Variants in SMARCA4 observed in about 807,000 individuals in gnomAD.
SMARCA4 encodes the protein SWI/SNF related BAF chromatin remodeling complex subunit ATPase 4.
In SMARCA4, 31 loss-of-function variants were observed where a neutral mutation model predicts 193.9. The observed-to-expected ratio is 0.16, with a 90% CI of 0.12 to 0.22. The LOEUF (loss-of-function observed/expected upper bound fraction) is 0.22, where lower values mean the gene tolerates loss of function less well. Ranked by LOEUF, SMARCA4 falls within the 10% of genes least tolerant of loss-of-function variation. The probability of loss-of-function intolerance (pLI) is 1.00; values close to 1 mark genes in which losing one functional copy is unlikely to be tolerated. For synonymous variants in SMARCA4, 942 were observed against 933.1 expected (o/e 1.01, Z -0.17); for missense variants, 1,148 against 2,296.0 (o/e 0.50, Z 10.22).
At chr19:10,983,918 G>A (rs941827644) in intron 1 of SMARCA4, among the ~76,000 whole-genome samples, 2 of 152,062 alleles carry the variant, frequency 1.3e-5, no homozygotes, top group South Asian at 4.2e-4. Context: ...CCCCTTCCTG[G>A]GTAGACTGAC....
At chr19:11,007,082 A>G (rs1383897641) in intron 13 of SMARCA4, among the ~76,000 whole-genome samples, 1 of 152,004 alleles carries the variant, frequency 6.6e-6, no homozygotes, top group Non-Finnish European at 1.5e-5. Flanking sequence ...GCAAGACCCC[A>G]TCTCAACAAT....
Position 11,023,502 on chromosome 19 carries a change from T to G in SMARCA4, c.2860-16T>G. 6.5e-7 allele frequency: 1 copy of G among 1,542,510 alleles called. No homozygotes were observed. The highest frequency in any genetic ancestry group is 9.0e-7 in the Non-Finnish European group (1 of 1,116,080). ...TTGGAGGTAACGCTTGCTTCTCCTG[T>G]CTTGGGGGCTTCCAGGTGGACCTGA... On this transcript the variant is annotated splice_polypyrimidine_tract_variant and intron_variant, in intron 19 of 34. Transcript: ENST00000344626.
intron 14 of SMARCA4, among the ~76,000 whole-genome samples, chr19:11,010,165 C>T (rs114823962): frequency 1.0e-3 from 159 of 152,270 alleles, no homozygotes; most frequent in African/African-American, 3.8e-3. Flanking sequence ...GCAATCAGGA[C>T]CCAGAGCTCC....
intron 29 of SMARCA4, chr19:11,039,673 T>G (rs895848164): frequency 1.7e-5 from 8 of 470,812 alleles, no homozygotes; most frequent in Non-Finnish European, 3.0e-5. Flanking sequence ...TTATATATGA[T>G]TTATAATATA....
At chr19:10,974,386 T>C (rs1280001577) in intron 1 of SMARCA4, among the ~76,000 whole-genome samples, 1 of 151,894 alleles carries the variant, frequency 6.6e-6, no homozygotes, top group Non-Finnish European at 1.5e-5. Flanking sequence ...TCTTTCTCTT[T>C]TATTTCCACA....
rs1555795360 is a variant in SMARCA4 at position 11,058,822 on chromosome 19, A to G, written c.4568A>G (p.Asn1523Ser). Residue 1523 changes from asparagine to serine, a missense_variant, in exon 32 of 35, where the codon AAC (asparagine) becomes AGC (serine). By Grantham distance (46) the Asn-to-Ser change is conservative (BLOSUM62 1). Around this residue, in one of 17 missense-constraint regions of SMARCA4, gnomAD observed 141 missense variants for 193.0 expected, o/e 0.73. Transcript: ENST00000344626. The surrounding 1 kb of genome is among the most constrained non-coding windows in gnomAD (Gnocchi z 5.8). ...RIRNHKYRSL[N>S]DLEKDVMLLC... ...CGCAACCACAAGTACCGCAGCCTCA[A>G]CGACCTAGAGAAGGACGTCATGCTC... 6.2e-7 allele frequency: 1 copy of G among 1,614,196 alleles called. No individual in the cohort carries two copies.
At chr19:10,996,440 G>A (rs2145977365) in intron 10 of SMARCA4, 54 bp from the exon 11 acceptor site, 2 of 1,613,704 alleles carry the variant, frequency 1.2e-6, no homozygotes, top group Non-Finnish European at 1.7e-6. Context: ...GTCTTCACGT[G>A]TGTGGCCTCA....
At chr19:10,961,451 C>G (rs1568382404) in intron 1 of SMARCA4, 1 of 151,734 alleles carries the variant, frequency 6.6e-6, no homozygotes, top group Non-Finnish European at 1.5e-5. Flanking sequence ...CGCGCGCTCT[C>G]GCCGGGGTCG....
intron 29 of SMARCA4, among the ~76,000 whole-genome samples, chr19:11,035,772 C>T (rs544564547): frequency 3.3e-4 from 50 of 152,366 alleles, no homozygotes; most frequent in Admixed American, 1.6e-3. Flanking sequence ...GGGCTTCACC[C>T]GACCCAACTT....
rs1310103704 is a variant in SMARCA4 at position 11,041,450 on chromosome 19, G to C, written c.4314G>C (p.Lys1438Asn). 1 of 1,612,624 alleles carries C rather than the reference G, an allele frequency of 6.2e-7. No homozygotes were observed. Among genetic ancestry groups the C allele is most frequent in the African/African-American group, 1.3e-5 (1 of 75,062 alleles). ...TRSRDKDDES[K>N]KQKKRGRPPA... ...GCCGCGACAAGGACGACGAGAGCAA[G>C]AAGCAGAAGAAGCGCGGGCGGCCGC... The change falls in exon 30 of 35, where the codon AAG becomes AAC. Residue 1438 changes from lysine (K) to asparagine (N), a missense_variant. Around this residue, in one of 17 missense-constraint regions of SMARCA4, gnomAD observed 141 missense variants for 193.0 expected, o/e 0.73. Coordinates refer to ENST00000344626, the MANE Select transcript of SMARCA4 (RefSeq NM_003072.5). The surrounding 1 kb of genome is among the most constrained non-coding windows in gnomAD (Gnocchi z 5.6).
At position 11,060,183 on chromosome 19, in the gene SMARCA4, A is replaced by G. The variant is rs1233964657; in HGVS notation, c.4907A>G (p.Glu1636Gly). The change falls in exon 34 of 35, where the codon GAG becomes GGG. Residue 1636 changes from glutamate to glycine, a missense_variant. By Grantham distance (98) the Glu-to-Gly change is moderately conservative. Transcript: ENST00000344626. ...VSDDDSEEEQ[E>G]EDRSGSGSEE... The stretch of plus-strand genomic sequence containing the variant: ...GACGATGACAGTGAGGAGGAACAAG[A>G]GGAGGTGAGGCCGGGCCCCCGAGCA... The G allele has an allele frequency of 6.4e-7, 1 of 1,550,906 alleles. No homozygotes were observed. Among genetic ancestry groups the G allele is most frequent in the East Asian group, 2.4e-5 (1 of 40,908 alleles).
intron 30 of SMARCA4, among the ~76,000 whole-genome samples, chr19:11,049,501 T>G (rs1394113805): frequency 6.6e-6 from 1 of 151,808 alleles, no homozygotes; most frequent in Non-Finnish European, 1.5e-5. Context: ...TTTTTTTTTT[T>G]TGAGACAGAG....
At chr19:10,980,395 G>A (rs1284087088) in intron 1 of SMARCA4, among the ~76,000 whole-genome samples, 2 of 152,128 alleles carry the variant, frequency 1.3e-5, no homozygotes, top group Admixed American at 6.6e-5. Flanking sequence ...CAAAGTTAGC[G>A]CTGCTTTGAG....
At chr19:11,051,837 C>G (rs1167103498) in intron 30 of SMARCA4, among the ~76,000 whole-genome samples, 2 of 152,150 alleles carry the variant, frequency 1.3e-5, no homozygotes, top group East Asian at 3.9e-4. Flanking sequence ...GTGACTCAGG[C>G]CTGTAATCCC....
At chr19:11,015,663 C>G (rs933907469) in intron 16 of SMARCA4, among the ~76,000 whole-genome samples, 1 of 152,170 alleles carries the variant, frequency 6.6e-6, no homozygotes, top group Non-Finnish European at 1.5e-5. Flanking sequence ...AGCATCTCTT[C>G]TACTCCATTT....
At chr19:11,000,089 TGGG>T (rs991495098) in intron 11 of SMARCA4, among the ~76,000 whole-genome samples, 2 of 151,802 alleles carry the variant, frequency 1.3e-5, no homozygotes, top group African/African-American at 4.8e-5. Context: ...TAGCCAGGTG[TGGG>T]GGCACACGCC....
chr19:11,046,941 C>T (rs1262231976), intron 30 of SMARCA4, among the ~76,000 whole-genome samples: 1 of 133,022 alleles, frequency 7.5e-6, no homozygotes, highest in Non-Finnish European at 1.6e-5. Context: ...GAGGTGAGAC[C>T]CTGTTGCAAA....
intron 19 of SMARCA4, among the ~76,000 whole-genome samples, chr19:11,022,948 G>A (rs992663019): frequency 1.3e-5 from 2 of 152,204 alleles, no homozygotes; most frequent in Admixed American, 1.3e-4. Flanking sequence ...AAGTTTTGGC[G>A]TCGTCTCATT....
chr19:11,044,906 A>G (rs1392883840), intron 30 of SMARCA4, among the ~76,000 whole-genome samples: 2 of 152,254 alleles, frequency 1.3e-5, no homozygotes, highest in Admixed American at 6.5e-5. Flanking sequence ...GTGTCCATCT[A>G]CAGGGGCATG....
Sources: allele counts gnomAD v4.1 joint callset (sites outside exome capture counted in the v4.1 genomes callset), GRCh38; gene constraint gnomAD v4.1.1; regional missense constraint gnomAD v4.1.1; non-coding constraint Gnocchi (gnomAD v3.1); transcripts MANE v1.5; gene names NCBI Gene and HGNC (gene_info 2026-07-23, HGNC 2026-07-21).